COL8A1: variants seen among roughly 807,000 people sequenced by gnomAD.
COL8A1 encodes the protein collagen type VIII alpha 1 chain.
In COL8A1, 21 loss-of-function variants were observed where a neutral mutation model predicts 42.7. That is an observed-to-expected ratio of 0.49 (90% CI 0.35 to 0.71). COL8A1 has a LOEUF of 0.71. Ranked by LOEUF, COL8A1 falls within the 30% of genes least tolerant of loss-of-function variation. The pLI is 0.01. For missense variants in COL8A1, 788 were observed against 962.4 expected (o/e 0.82, Z 2.40); for synonymous variants, 367 against 369.1 (o/e 0.99, Z 0.06).
At chr3:99,672,958 AT>A (rs1486822944) in intron 1 of COL8A1, among the ~76,000 whole-genome samples, 5 of 151,984 alleles carry the variant, frequency 3.3e-5, no homozygotes, top group African/African-American at 1.2e-4. Flanking sequence ...AGTAGCTCAG[AT>A]TTAGACTTTC....
intron 2 of COL8A1, among the ~76,000 whole-genome samples, chr3:99,757,977 G>A (rs1236663591): frequency 6.6e-6 from 1 of 152,116 alleles, no homozygotes; most frequent in South Asian, 2.1e-4. Context: ...AAATAGAATA[G>A]AATACATTCT....
intron 1 of COL8A1, among the ~76,000 whole-genome samples, chr3:99,699,799 C>T (rs535483614): frequency 1.0e-3 from 155 of 152,210 alleles, no homozygotes; most frequent in South Asian, 9.1e-3. Flanking sequence ...CCCCGTCCCA[C>T]CTCACATACA....
intron 1 of COL8A1, among the ~76,000 whole-genome samples, chr3:99,723,928 C>T (rs1940229073): frequency 6.6e-6 from 1 of 152,082 alleles, no homozygotes; most frequent in Non-Finnish European, 1.5e-5. Context: ...ACAGTTCATA[C>T]CAAAATTCAC....
At chr3:99,669,059 A>G (rs9859600) in intron 1 of COL8A1, among the ~76,000 whole-genome samples, 18,592 of 149,104 alleles carry the variant, frequency 0.12, 1,294 homozygotes, top group Middle Eastern at 0.16. Context: ...TCATCTGAAA[A>G]TTCAACTGGA....
intron 1 of COL8A1, among the ~76,000 whole-genome samples, chr3:99,696,065 C>G (rs1294859245): frequency 6.6e-6 from 1 of 152,142 alleles, no homozygotes; most frequent in Non-Finnish European, 1.5e-5. Context: ...AGCCGGGAGG[C>G]AGAGGTTGCA....
intron 1 of COL8A1, chr3:99,703,399 A>T (rs1273309352): frequency 1.3e-5 from 2 of 152,170 alleles, no homozygotes; most frequent in African/African-American, 4.8e-5. Flanking sequence ...CATGCTATTA[A>T]CCTTTACACT....
chr3:99,658,665 A>T (rs1033232357), intron 1 of COL8A1, among the ~76,000 whole-genome samples: 1 of 152,224 alleles, frequency 6.6e-6, no homozygotes, highest in Admixed American at 6.5e-5. Flanking sequence ...ATATTCAGAG[A>T]AGCAGATATC....
intron 1 of COL8A1, among the ~76,000 whole-genome samples, chr3:99,734,627 A>T (rs1390631450): frequency 1.3e-5 from 2 of 151,996 alleles, no homozygotes; most frequent in Non-Finnish European, 2.9e-5. Flanking sequence ...TGACTTGGCG[A>T]TGCGGGCTTT....
intron 2 of COL8A1, among the ~76,000 whole-genome samples, chr3:99,767,839 T>C (rs998628697): frequency 3.9e-5 from 6 of 152,116 alleles, no homozygotes; most frequent in Admixed American, 3.9e-4. Context: ...ATAATACTAA[T>C]GATAATAAAG....
chr3:99,676,349 T>C (rs1938697590), intron 1 of COL8A1, among the ~76,000 whole-genome samples: 1 of 152,098 alleles, frequency 6.6e-6, no homozygotes, highest in Non-Finnish European at 1.5e-5. Context: ...TCCCAAAACC[T>C]GGCAAGAACA....
chr3:99,638,928 C>T (rs1937448312), intron 1 of COL8A1, among the ~76,000 whole-genome samples: 1 of 152,132 alleles, frequency 6.6e-6, no homozygotes, highest in Non-Finnish European at 1.5e-5. Flanking sequence ...CTGACTGTTG[C>T]TTAGGTTAAA....
At chr3:99,746,172 G>A (rs1269162878) in intron 2 of COL8A1, among the ~76,000 whole-genome samples, 1 of 152,034 alleles carries the variant, frequency 6.6e-6, no homozygotes, top group Non-Finnish European at 1.5e-5. Flanking sequence ...AGAGTTCCTG[G>A]AGAAATGCAA....
chr3:99,697,542 G>T (rs1367014783), intron 1 of COL8A1, among the ~76,000 whole-genome samples: 1 of 152,164 alleles, frequency 6.6e-6, no homozygotes, highest in Non-Finnish European at 1.5e-5. Context: ...GCATGTTTTA[G>T]GGAGTTAACT....
At chr3:99,678,805 T>A (rs531710891) in intron 1 of COL8A1, 1 of 152,116 alleles carries the variant, frequency 6.6e-6, no homozygotes, top group Non-Finnish European at 1.5e-5. Flanking sequence ...ATAGCAAAAA[T>A]GTATTAGATA....
At chr3:99,639,869 G>T (rs191616759) in intron 1 of COL8A1, among the ~76,000 whole-genome samples, 208 of 152,202 alleles carry the variant, frequency 1.4e-3, no homozygotes, top group African/African-American at 4.6e-3. Flanking sequence ...AGCCCTTAAG[G>T]TTCTTAAAGT....
At chr3:99,721,906 G>T (rs1940168644) in intron 1 of COL8A1, among the ~76,000 whole-genome samples, 1 of 151,728 alleles carries the variant, frequency 6.6e-6, no homozygotes, top group African/African-American at 2.4e-5. Context: ...TGCGGGTGGT[G>T]ATGTGGCTAA....
intron 1 of COL8A1, among the ~76,000 whole-genome samples, chr3:99,729,257 C>T (rs557683954): frequency 2.0e-5 from 3 of 152,088 alleles, no homozygotes; most frequent in African/African-American, 7.2e-5. Context: ...GCTGATGTTG[C>T]TTTTTCTCAA....
At position 99,795,612 on chromosome 3, in the gene COL8A1, C is replaced by T. The variant is rs778973003; in HGVS notation, c.1711C>T (p.Pro571Ser). ...AGGCCCTCCAGGACCTCCAGGACCC[C>T]CAGCTGTGATGCCCCCTACACCACC... The part of the protein sequence containing the change: ...PPGPPGPPGP[P>S]AVMPPTPPPQ... The change falls in exon 4 of 4, where the codon CCA becomes TCA. Residue 571 changes from proline (P) to serine (S), a missense_variant. Transcript: ENST00000652472. 6 of 1,613,320 alleles carry T rather than the reference C, an allele frequency of 3.7e-6. No homozygotes were observed. Among genetic ancestry groups the T allele is most frequent in the Non-Finnish European group, 5.1e-6 (6 of 1,179,608 alleles).
At position 99,795,640 on chromosome 3, in the gene COL8A1, C is replaced by T; in HGVS notation, c.1739C>T (p.Pro580Leu). Residue 580 changes from proline (P) to leucine (L), a missense_variant, in exon 4 of 4, where the codon CCC becomes CTC. This residue lies in a region of COL8A1 where 154 missense variants were observed against 182.3 expected (regional missense o/e 0.84). Transcript: ENST00000652472. Reference sequence around the variant, plus strand: ...GCTGTGATGCCCCCTACACCACCACCCCAGGGAGAGTATCTGCCAGATATG... The same window carrying T: ...GCTGTGATGCCCCCTACACCACCACTCCAGGGAGAGTATCTGCCAGATATG... ...PPAVMPPTPP[P>L]QGEYLPDMGL... The T allele has an allele frequency of 6.2e-7, 1 of 1,613,946 alleles. No homozygotes were observed. The highest frequency in any genetic ancestry group is 8.5e-7 in the Non-Finnish European group (1 of 1,179,904).
Sources: allele counts gnomAD v4.1 joint callset (sites outside exome capture counted in the v4.1 genomes callset), GRCh38; gene constraint gnomAD v4.1.1; regional missense constraint gnomAD v4.1.1; transcripts MANE v1.5; gene names NCBI Gene and HGNC (gene_info 2026-07-23, HGNC 2026-07-21).